The following SNX27 variants were observed in gnomAD, a reference collection of about 807,000 sequenced individuals.
The protein encoded by SNX27 is sorting nexin-27.
Under a neutral mutation model 71.6 loss-of-function variants are expected in SNX27, and 22 were observed. The observed-to-expected ratio is 0.31, with a 90% CI of 0.22 to 0.44. SNX27 has a LOEUF of 0.44. Among genes scored for constraint, SNX27 ranks in the 20% least tolerant of loss-of-function variants. The pLI is 1.00. For synonymous variants in SNX27, 269 were observed against 277.2 expected (o/e 0.97, Z 0.29); for missense variants, 531 against 698.6 (o/e 0.76, Z 2.70).
intron 1 of SNX27, among the ~76,000 whole-genome samples, chr1:151,623,663 G>A (rs1283588157): frequency 6.6e-6 from 1 of 152,084 alleles, no homozygotes; most frequent in Non-Finnish European, 1.5e-5. Context: ...GCCTCCCAAA[G>A]TGCTGGGATT....
intron 1 of SNX27, among the ~76,000 whole-genome samples, chr1:151,629,684 A>G (rs1429477758): frequency 6.6e-6 from 1 of 150,518 alleles, no homozygotes; most frequent in Admixed American, 6.6e-5. Context: ...CCTGGGTTCA[A>G]GCGATTCTCC....
intron 5 of SNX27, 32 bp downstream of exon 5, chr1:151,662,302 G>C: frequency 7.0e-7 from 1 of 1,431,600 alleles, no homozygotes; most frequent in South Asian, 1.2e-5. Context: ...ACTTGACATT[G>C]GATGGTGTGA....
At chr1:151,645,657 C>G (rs922465238) in intron 2 of SNX27, among the ~76,000 whole-genome samples, 3 of 152,212 alleles carry the variant, frequency 2.0e-5, no homozygotes, top group African/African-American at 7.2e-5. Context: ...CTTGGATTCT[C>G]CACTCACTCT....
rs923942065 is a variant in SNX27, at chr1:151,612,591, C to G, written c.311+79C>G. 1.1e-5 allele frequency: 12 copies of G among 1,080,142 alleles called. No individual in the cohort carries two copies. Among genetic ancestry groups the G allele is most frequent in the South Asian group, 6.0e-5 (2 of 33,100 alleles). The allele number at this position is 1,080,142 out of a possible 1,614,324, so 66.9% of individuals were successfully genotyped here. A position where few individuals can be genotyped will look rare whatever the true frequency, so the allele number is the denominator to read the frequency against. ...GCACTCCTCGCTACCCTTGTCACCC[C>G]CAGGCCGCACCTCCCCCGAGCTCCG... On this transcript the variant is annotated intron_variant, in intron 1 of 11. Transcript: ENST00000458013. The surrounding 1 kb of genome is among the most constrained non-coding windows in gnomAD (Gnocchi z 5.2).
chr1:151,652,787 A>G (rs1669477778), intron 2 of SNX27, among the ~76,000 whole-genome samples: 1 of 152,020 alleles, frequency 6.6e-6, no homozygotes, highest in Non-Finnish European at 1.5e-5. Flanking sequence ...GTATCTGTTC[A>G]TACATGTTTT....
chr1:151,661,030 TCCACTTTCTCTTTGAAGTGCCAGGC>T (rs1669945613), intron 4 of SNX27, 168 bp downstream of exon 4: 2 of 537,088 alleles, frequency 3.7e-6, no homozygotes, highest in South Asian at 5.2e-5. Context: ...AAGACCTAGG[TCCACTTTCTCTTTGAAGTGCCAGGC>T]CCACTTTCTC....
intron 3 of SNX27, chr1:151,659,781 T>C (rs1669874526): frequency 6.6e-6 from 1 of 152,260 alleles, no homozygotes; most frequent in Admixed American, 6.5e-5. Context: ...CTCAATAAGA[T>C]AGCTCATCTT....
chr1:151,652,205 GGGGAGAGGGAGAGGGAGAGGGAGA>G (rs771599637), intron 2 of SNX27, among the ~76,000 whole-genome samples: 6 of 62,250 alleles, frequency 9.6e-5, no homozygotes, highest in South Asian at 5.5e-4. Context: ...GGGAGACCGT[GGGGAGAGGGAGAGGGAGAGGGAGA>G]GGGAGAGGGA....
At chr1:151,692,654 T>C in intron 9 of SNX27, 70 bp downstream of exon 9, 1 of 1,562,064 alleles carries the variant, frequency 6.4e-7, no homozygotes, top group Non-Finnish European at 8.7e-7. Flanking sequence ...CTTGTGACGT[T>C]TTAATTCCAT....
At chr1:151,686,346 A>C (rs1347762327) in intron 8 of SNX27, among the ~76,000 whole-genome samples, 1 of 152,268 alleles carries the variant, frequency 6.6e-6, no homozygotes, top group Non-Finnish European at 1.5e-5. Flanking sequence ...AAATATAGAA[A>C]ATCTGAATTT....
At chr1:151,674,506 C>T (rs183809834) in intron 7 of SNX27, among the ~76,000 whole-genome samples, 2 of 152,024 alleles carry the variant, frequency 1.3e-5, no homozygotes, top group African/African-American at 2.4e-5. Flanking sequence ...GTTTTCAAAC[C>T]ATGTTTCCCA....
chr1:151,624,456 G>A (rs1571764325), intron 1 of SNX27, among the ~76,000 whole-genome samples: 1 of 136,968 alleles, frequency 7.3e-6, no homozygotes, highest in Admixed American at 7.5e-5. Context: ...TTTTGCGATG[G>A]AGTCTTGCTC....
At chr1:151,680,708 A>G (rs1396515368) in intron 7 of SNX27, among the ~76,000 whole-genome samples, 1 of 152,226 alleles carries the variant, frequency 6.6e-6, no homozygotes, top group Non-Finnish European at 1.5e-5. Context: ...ATAGTTGTAA[A>G]GCCTTTTCCC....
intron 2 of SNX27, among the ~76,000 whole-genome samples, chr1:151,649,110 C>T (rs896652117): frequency 9.3e-5 from 14 of 151,120 alleles, no homozygotes; most frequent in South Asian, 2.1e-4. Flanking sequence ...TATAGGCGCC[C>T]GCCACCACGC....
Position 151,681,235 on chromosome 1 carries a change from C to CTTTTTTTT in SNX27, c.1150-2104_1150-2097dup, listed in dbSNP as rs762924986. 3.8e-3 allele frequency among the ~76,000 whole-genome samples: 229 copies of CTTTTTTTT among 60,692 alleles called. 28 individuals are homozygous for CTTTTTTTT. Among genetic ancestry groups the CTTTTTTTT allele is most frequent in the African/African-American group, 9.7e-3 (153 of 15,714 alleles). 39.8% of individuals were successfully genotyped at this position (60,692 alleles called of 152,430 possible). On this transcript the variant is annotated intron_variant, in intron 7 of 11. Coordinates refer to ENST00000458013, the MANE Select transcript of SNX27 (RefSeq NM_001330723.2). ...CTAGAAGTTGAATTAGTCTCTCAAT[C>CTTTTTTTT]TTTTTTTTTTTTTTTTTTTTTTTTG...
At chr1:151,619,553 G>A (rs1470930841) in intron 1 of SNX27, among the ~76,000 whole-genome samples, 3 of 151,986 alleles carry the variant, frequency 2.0e-5, no homozygotes, top group Admixed American at 2.0e-4. Context: ...CGCTTGCCTC[G>A]GCTTCCCAAA....
At position 151,695,471 on chromosome 1, in the gene SNX27, A is replaced by G. The variant is rs1671661311; in HGVS notation, c.*1054A>G. 7.9e-6 allele frequency: 1 copy of G among 126,326 alleles called. No individual in the cohort carries two copies. The highest frequency in any genetic ancestry group is 2.8e-4 in the South Asian group (1 of 3,544). 7.8% of individuals were successfully genotyped at this position (126,326 alleles called of 1,614,324 possible). A position where few individuals can be genotyped will look rare whatever the true frequency, so the allele number is the denominator to read the frequency against. ...GGTCTTACTCTGTCGCCCAGACTGG[A>G]ATGTGGTGGCATGAACATAGCTCAC... On this transcript the variant is annotated 3_prime_UTR_variant, in exon 12 of 12. Coordinates refer to ENST00000458013, the MANE Select transcript of SNX27 (RefSeq NM_001330723.2).
chr1:151,621,873 G>A (rs1417745449), intron 1 of SNX27, among the ~76,000 whole-genome samples: 1 of 152,126 alleles, frequency 6.6e-6, no homozygotes, highest in Non-Finnish European at 1.5e-5. Flanking sequence ...CATCTAGAAC[G>A]TTTGTTCCTG....
chr1:151,656,177 C>G (rs1450873212), intron 2 of SNX27, among the ~76,000 whole-genome samples: 1 of 140,042 alleles, frequency 7.1e-6, no homozygotes, highest in African/African-American at 2.7e-5. Flanking sequence ...GAGCAGACAT[C>G]GTGCCACTGC....
Sources: gnomAD v4.1 joint callset for allele counts (sites outside exome capture counted in the v4.1 genomes callset) on GRCh38, gnomAD v4.1.1 for gene constraint, Gnocchi (gnomAD v3.1) non-coding constraint, MANE v1.5 for transcripts, NCBI Gene and HGNC (gene_info 2026-07-23, HGNC 2026-07-21) for gene names.